Variants in ESR1 observed in about 807,000 individuals in gnomAD.
ESR1 encodes the protein estrogen receptor 1.
A neutral mutation model predicts 52.7 loss-of-function variants in ESR1; 12 were observed. The ratio of observed to expected loss-of-function variants is 0.23; its 90% CI spans 0.15 to 0.37. The LOEUF is 0.37. Among genes scored for constraint, ESR1 ranks in the 10% least tolerant of loss-of-function variants. The pLI is 1.00. For synonymous variants in ESR1, 305 were observed against 316.8 expected (o/e 0.96, Z 0.39); for missense variants, 584 against 779.7 (o/e 0.75, Z 2.99).
chr6:151,860,794 A>G (rs934618892), intron 2 of ESR1, among the ~76,000 whole-genome samples: 11 of 152,348 alleles, frequency 7.2e-5, no homozygotes, highest in African/African-American at 2.2e-4. Flanking sequence ...TAAATGTAGC[A>G]TAGCCAGTTA....
intron 4 of ESR1, among the ~76,000 whole-genome samples, chr6:151,958,367 A>G (rs972843116): frequency 1.3e-5 from 2 of 152,198 alleles, no homozygotes; most frequent in Admixed American, 6.5e-5. Context: ...CAACATCCCT[A>G]TGAGTTAGGG....
At chr6:152,008,243 C>T (rs541201351) in intron 4 of ESR1, among the ~76,000 whole-genome samples, 1 of 152,108 alleles carries the variant, frequency 6.6e-6, no homozygotes, top group Non-Finnish European at 1.5e-5. Context: ...CACTCTCTCC[C>T]AACCCTGACC....
chr6:151,693,950 A>G (rs1021266824), intron 1 of ESR1, among the ~76,000 whole-genome samples: 6 of 152,164 alleles, frequency 3.9e-5, no homozygotes, highest in African/African-American at 9.7e-5. Flanking sequence ...TGTGATACCA[A>G]AGACCTGAGA....
In ESR1 at chr6:152,060,273, C is replaced by T. The variant is rs9341012; in HGVS notation, c.1236-718C>T. Among the ~76,000 whole-genome samples, 788 of 152,296 alleles carry T rather than the reference C, an allele frequency of 5.2e-3. 5 individuals are homozygous for T. Among genetic ancestry groups the T allele is most frequent in the African/African-American group, 0.017 (715 of 41,552 alleles). On this transcript the variant is annotated intron_variant, in intron 5 of 7. Coordinates refer to ENST00000206249, the MANE Select transcript of ESR1 (RefSeq NM_000125.4). The stretch of plus-strand genomic sequence containing the variant: ...AACTTCTAAAAATATCAAGATCTGA[C>T]ATTTTTCTGTTTTCACAGATTAATC...
intron 4 of ESR1, among the ~76,000 whole-genome samples, chr6:151,997,810 C>A (rs555761433): frequency 6.6e-6 from 1 of 152,058 alleles, no homozygotes; most frequent in South Asian, 2.1e-4. Flanking sequence ...AGAAAAAACA[C>A]AGAAATAAAA....
intron 2 of ESR1, among the ~76,000 whole-genome samples, chr6:151,788,958 G>A (rs994634099): frequency 3.9e-5 from 6 of 152,176 alleles, no homozygotes; most frequent in African/African-American, 1.4e-4. Context: ...ATCAGAGGGT[G>A]GAGGGTGGAA....
intron 2 of ESR1, among the ~76,000 whole-genome samples, chr6:151,727,896 A>G (rs530266076): frequency 5.9e-5 from 9 of 152,240 alleles, no homozygotes; most frequent in African/African-American, 2.2e-4. Flanking sequence ...ATTATCTGAG[A>G]TCTCCCCAGC....
upstream of ESR1, among the ~76,000 whole-genome samples, chr6:151,799,572 C>T (rs762586414): frequency 4.6e-5 from 7 of 152,204 alleles, no homozygotes; most frequent in Admixed American, 4.6e-4. Flanking sequence ...ATTGTGCTCA[C>T]ATTGGACTAG....
upstream of ESR1, among the ~76,000 whole-genome samples, chr6:151,690,066 G>T (rs924989634): frequency 1.3e-5 from 2 of 152,116 alleles, no homozygotes; most frequent in Non-Finnish European, 2.9e-5. Flanking sequence ...CTCATTAATC[G>T]GTAACAAGAA....
chr6:151,947,533 G>A (rs2035842256), intron 4 of ESR1, among the ~76,000 whole-genome samples: 1 of 152,170 alleles, frequency 6.6e-6, no homozygotes, highest in Non-Finnish European at 1.5e-5. Context: ...TTTGGGCTTA[G>A]TAGCTCTAGA....
At chr6:151,919,551 A>G (rs1000630223) in intron 3 of ESR1, among the ~76,000 whole-genome samples, 2 of 152,222 alleles carry the variant, frequency 1.3e-5, no homozygotes, top group Non-Finnish European at 1.5e-5. Flanking sequence ...ATTGAGGCCC[A>G]CTACAGCATT....
intron 4 of ESR1, among the ~76,000 whole-genome samples, chr6:151,978,950 C>T (rs2039723648): frequency 6.6e-6 from 1 of 152,120 alleles, no homozygotes; most frequent in Non-Finnish European, 1.5e-5. Context: ...ACAAGAATAA[C>T]TAATGAATCA....
At chr6:151,722,151 C>T (rs568126369) in intron 2 of ESR1, among the ~76,000 whole-genome samples, 4 of 152,346 alleles carry the variant, frequency 2.6e-5, no homozygotes, top group Admixed American at 1.3e-4. Context: ...GGGACAGCCC[C>T]TGAACGAGGG....
downstream of ESR1, among the ~76,000 whole-genome samples, chr6:152,105,296 G>C (rs927751282): frequency 6.6e-6 from 1 of 152,182 alleles, no homozygotes; most frequent in Non-Finnish European, 1.5e-5. Context: ...TTTGCAATTG[G>C]TGTCTGAGAT....
chr6:151,678,893 A>G (rs712220), intron 1 of ESR1, among the ~76,000 whole-genome samples: 52,215 of 151,380 alleles, frequency 0.34, 9,252 homozygotes, highest in South Asian at 0.45. Flanking sequence ...CACACTGTTG[A>G]CCAGGATGGT....
chr6:152,087,300 A>T (rs1040947433), intron 6 of ESR1, among the ~76,000 whole-genome samples: 1 of 152,180 alleles, frequency 6.6e-6, no homozygotes, highest in African/African-American at 2.4e-5. Context: ...AAGCCTTAAG[A>T]ATGTAGGAAA....
chr6:151,943,335 C>G (rs548833427), intron 3 of ESR1, among the ~76,000 whole-genome samples: 2 of 151,612 alleles, frequency 1.3e-5, no homozygotes, highest in South Asian at 4.2e-4. Context: ...GGCCGAGATC[C>G]CGCCACTGCA....
At chr6:151,922,593 A>T (rs2031912429) in intron 3 of ESR1, among the ~76,000 whole-genome samples, 1 of 152,148 alleles carries the variant, frequency 6.6e-6, no homozygotes, top group East Asian at 1.9e-4. Flanking sequence ...CTTACATATC[A>T]TTGTAGGGTT....
chr6:152,039,045 A>G (rs2045567156), intron 5 of ESR1, among the ~76,000 whole-genome samples: 2 of 152,246 alleles, frequency 1.3e-5, no homozygotes, highest in African/African-American at 4.8e-5. Context: ...TTAACAAAAT[A>G]AGGAGGAAAT....
Sources: allele counts gnomAD v4.1 joint callset (sites outside exome capture counted in the v4.1 genomes callset), GRCh38; gene constraint gnomAD v4.1.1; transcripts MANE v1.5; gene names NCBI Gene and HGNC (gene_info 2026-07-23, HGNC 2026-07-21).